Variants in TBC1D2 observed in about 807,000 individuals in gnomAD.
TBC1D2 encodes the protein TBC1 domain family member 2A.
A neutral mutation model predicts 91.1 loss-of-function variants in TBC1D2; 58 were observed. The observed-to-expected ratio is 0.64, with a 90% CI of 0.52 to 0.79. The LOEUF is 0.79. Ranked by LOEUF, TBC1D2 falls within the 30% of genes least tolerant of loss-of-function variation. TBC1D2 has a pLI of 0.00. For synonymous variants in TBC1D2, 482 were observed against 511.5 expected, an observed-to-expected ratio of 0.94 and a Z score of 0.78; for missense variants, 1,080 against 1,208.3, an observed-to-expected ratio of 0.89 and a Z score of 1.57.
At chr9:98,212,987 G>C in intron 7 of TBC1D2, 121 bp downstream of exon 7, 3 of 1,068,254 alleles carry the variant, frequency 2.8e-6, no homozygotes, top group South Asian at 2.9e-5. Flanking sequence ...CTGCTCACAA[G>C]GGGTCAGTTC....
intron 2 of TBC1D2, among the ~76,000 whole-genome samples, chr9:98,250,113 AG>A (rs2131296571): frequency 6.6e-6 from 1 of 152,318 alleles, no homozygotes; most frequent in East Asian, 1.9e-4. Flanking sequence ...AAGTCTGAGA[AG>A]GCTTCCAGGA....
chr9:98,248,724 G>A (rs536494502), intron 2 of TBC1D2, among the ~76,000 whole-genome samples: 3 of 152,170 alleles, frequency 2.0e-5, no homozygotes, highest in South Asian at 2.1e-4. Context: ...ATAAGATGAC[G>A]CATGTAAAGT....
chr9:98,221,829 G>C (rs1421395103), intron 5 of TBC1D2, among the ~76,000 whole-genome samples: 1 of 152,166 alleles, frequency 6.6e-6, no homozygotes, highest in Non-Finnish European at 1.5e-5. Context: ...CCTGGGCTCA[G>C]CTGATCCTCC....
rs140213506 is a variant in TBC1D2 at position 98,229,089 on chromosome 9, C to T, written c.841G>A (p.Ala281Thr). ...APKPSLTISF[A>T]QKAKRQNNTF... ...TTGTTCTGGCGCTTGGCTTTCTGAGCGAAACTGATGGTCAGAGAAGGCTTG... is the reference window on the plus strand; with the variant it reads ...TTGTTCTGGCGCTTGGCTTTCTGAGTGAAACTGATGGTCAGAGAAGGCTTG... Residue 281 changes from alanine to threonine, a missense_variant, in exon 5 of 13, where the codon GCT becomes ACT. By Grantham distance (58) the Ala-to-Thr change is moderately conservative. Transcript: ENST00000465784. 2.6e-4 allele frequency: 416 copies of T among 1,614,056 alleles called. No individual in the cohort carries two copies. The highest frequency in any genetic ancestry group is 3.1e-4 in the Non-Finnish European group (365 of 1,180,044).
chr9:98,206,217 A>C (rs1828650477), intron 9 of TBC1D2, among the ~76,000 whole-genome samples: 1 of 152,082 alleles, frequency 6.6e-6, no homozygotes, highest in South Asian at 2.1e-4. Flanking sequence ...CAGCCTCCCA[A>C]AGTGCTGGGA....
chr9:98,235,509 A>G, intron 3 of TBC1D2: 2 of 444,596 alleles, frequency 4.5e-6, no homozygotes, highest in Admixed American at 2.7e-5. Flanking sequence ...TGCAAAGAAA[A>G]GGATAATGTA....
At chr9:98,236,961 T>C (rs1829520570) in intron 3 of TBC1D2, among the ~76,000 whole-genome samples, 1 of 151,856 alleles carries the variant, frequency 6.6e-6, no homozygotes, top group African/African-American at 2.4e-5. Flanking sequence ...AAAATACTTT[T>C]CATGGGGTTG....
At chr9:98,227,004 G>A (rs1829247616) in intron 5 of TBC1D2, among the ~76,000 whole-genome samples, 1 of 152,362 alleles carries the variant, frequency 6.6e-6, no homozygotes, top group African/African-American at 2.4e-5. Flanking sequence ...AAGAAAGGCT[G>A]TGTCAAGAGA....
chr9:98,230,388 A>C (rs1371662101), intron 4 of TBC1D2, among the ~76,000 whole-genome samples: 1 of 152,222 alleles, frequency 6.6e-6, no homozygotes, highest in East Asian at 1.9e-4. Context: ...TCTTATCTAA[A>C]TCTCCTAACC....
intron 10 of TBC1D2, among the ~76,000 whole-genome samples, chr9:98,201,867 T>C (rs943377046): frequency 6.6e-6 from 1 of 152,160 alleles, no homozygotes; most frequent in Non-Finnish European, 1.5e-5. Context: ...CCGCTGCTCC[T>C]AATATAGGCC....
Position 98,203,382 on chromosome 9 carries a change from A to G in TBC1D2, c.2177T>C (p.Leu726Pro), listed in dbSNP as rs1320707755. 1 of 1,614,080 alleles carries G rather than the reference A, an allele frequency of 6.2e-7. No individual in the cohort carries two copies. Among genetic ancestry groups the G allele is most frequent in the Non-Finnish European group, 8.5e-7 (1 of 1,180,052 alleles). The part of the protein sequence containing the change: ...NRLAAIALLV[L>P]EEEESAFWCL... ...CCAGAAGGCGCTCTCCTCCTCCTCT[A>G]GGACCAGCAGGGCAATGGCCGCCAG... is the stretch of plus-strand genomic sequence containing the variant. Residue 726 changes from leucine to proline, a missense_variant, in exon 10 of 13, where the codon CTA becomes CCA. Coordinates refer to ENST00000465784, the MANE Select transcript of TBC1D2 (RefSeq NM_001267571.2).
rs778211899 is a variant in TBC1D2, at chr9:98,200,258, G to C, written c.2574C>G (p.Asn858Lys). The change falls in exon 12 of 13, where the codon AAC (asparagine) becomes AAG (lysine). Residue 858 changes from asparagine to lysine, a missense_variant. Physicochemically the swap from Asn to Lys is moderately conservative, Grantham distance 94. Transcript: ENST00000465784. ...AGGGGGTGGGGGTTCCTCACCGGCT[G>C]TTGGAGATGGTCTTGGTGAAGAAGC... ...YLRFFTKTIS[N>K]SRKLMNIAFN... The C allele has an allele frequency of 1.9e-6, 3 of 1,613,916 alleles. No individual in the cohort carries two copies. Among genetic ancestry groups the C allele is most frequent in the Non-Finnish European group, 2.5e-6 (3 of 1,179,950 alleles).
intron 3 of TBC1D2, among the ~76,000 whole-genome samples, chr9:98,237,562 AG>A (rs1185719541): frequency 6.6e-6 from 1 of 150,488 alleles, no homozygotes; most frequent in African/African-American, 2.4e-5. Flanking sequence ...GCTGGAGTGC[AG>A]TGGCACGATC....
intron 9 of TBC1D2, among the ~76,000 whole-genome samples, chr9:98,206,983 A>G (rs1828672153): frequency 6.6e-6 from 1 of 152,238 alleles, no homozygotes; most frequent in Admixed American, 6.5e-5. Flanking sequence ...GGATTTTAAC[A>G]TGTTCAAACA....
chr9:98,224,423 C>T (rs913790586), intron 5 of TBC1D2, among the ~76,000 whole-genome samples: 1 of 151,656 alleles, frequency 6.6e-6, no homozygotes, highest in Non-Finnish European at 1.5e-5. Flanking sequence ...GCTGGGACTA[C>T]AGGCATGCAC....
rs753455224 is a variant in TBC1D2, at chr9:98,232,342, G to GTTTT, written c.781+1070_781+1073dup. ...TTTCTTTTCTTCTTTCTCTTTTTCT[G>GTTTT]TTTTTTTTTTTGACAGTGTCTCACT... On this transcript the variant is annotated intron_variant, in intron 4 of 12. Coordinates refer to ENST00000465784, the MANE Select transcript of TBC1D2 (RefSeq NM_001267571.2). Among the ~76,000 whole-genome samples, 3 of 86,778 alleles carry GTTTT rather than the reference G, an allele frequency of 3.5e-5. 1 individual carries two copies. Among genetic ancestry groups the GTTTT allele is most frequent in the Admixed American group, 1.2e-4 (1 of 8,334 alleles). 56.9% of individuals were successfully genotyped at this position (86,778 alleles called of 152,430 possible). A position where few individuals can be genotyped will look rare whatever the true frequency, so the allele number is the denominator to read the frequency against.
intron 5 of TBC1D2, 42 bp from the exon 6 acceptor site, chr9:98,221,270 C>A (rs1296708627): frequency 1.3e-6 from 2 of 1,492,404 alleles, no homozygotes; most frequent in South Asian, 2.7e-5. Flanking sequence ...TCAGGGAGGG[C>A]CTGCTGGGCG....
Position 98,209,033 on chromosome 9 carries a change from G to C in TBC1D2, c.1785C>G (p.Leu595=). 3 of 1,614,174 alleles carry C rather than the reference G, an allele frequency of 1.9e-6. No individual in the cohort carries two copies. Among genetic ancestry groups the C allele is most frequent in the Non-Finnish European group, 2.5e-6 (3 of 1,180,036 alleles). ...LESRSHHLLG[L]EAVDRPLRER... The stretch of plus-strand genomic sequence containing the variant: ...CCCTCAGCGGCCGATCCACAGCCTC[G>C]AGGCCCAGCAGGTGGTGGGATCGTG... Residue 595 remains leucine, a synonymous_variant, in exon 9 of 13, where the codon CTC becomes CTG. Coordinates refer to ENST00000465784, the MANE Select transcript of TBC1D2 (RefSeq NM_001267571.2).
intron 3 of TBC1D2, among the ~76,000 whole-genome samples, chr9:98,239,372 G>A (rs1829583773): frequency 6.6e-6 from 1 of 152,140 alleles, no homozygotes; most frequent in South Asian, 2.1e-4. Flanking sequence ...CTTTGTGAGA[G>A]GTTTTATCAC....
Sources: gnomAD v4.1 joint callset for allele counts (sites outside exome capture counted in the v4.1 genomes callset) on GRCh38, gnomAD v4.1.1 for gene constraint, MANE v1.5 for transcripts, NCBI Gene and HGNC (gene_info 2026-07-23, HGNC 2026-07-21) for gene names.